Variants in PDILT observed in about 807,000 individuals in gnomAD.
PDILT encodes the protein protein disulfide-isomerase-like protein of the testis.
In PDILT, 43 loss-of-function variants were observed where a neutral mutation model predicts 53.7. That is an observed-to-expected ratio of 0.80 (90% CI 0.63 to 1.03). PDILT has a LOEUF of 1.03. PDILT is among the 50% of genes least tolerant of loss of function. The pLI is 0.00. For missense variants in PDILT, 727 were observed against 712.3 expected, an observed-to-expected ratio of 1.02 and a Z score of -0.24; for synonymous variants, 282 against 274.2, an observed-to-expected ratio of 1.03 and a Z score of -0.28.
intron 7 of PDILT, among the ~76,000 whole-genome samples, chr16:20,369,979 A>T (rs916532148): frequency 6.6e-6 from 1 of 152,212 alleles, no homozygotes; most frequent in African/African-American, 2.4e-5. Context: ...CTGTAAAATG[A>T]TTATCATAGT....
At chr16:20,383,759 G>C (rs950304739) in intron 3 of PDILT, among the ~76,000 whole-genome samples, 1 of 152,100 alleles carries the variant, frequency 6.6e-6, no homozygotes. Flanking sequence ...CATTCTACTG[G>C]CATGGCTGTT....
chr16:20,361,204 T>C (rs1966096029), intron 10 of PDILT, among the ~76,000 whole-genome samples: 1 of 128,558 alleles, frequency 7.8e-6, no homozygotes, highest in Non-Finnish European at 1.7e-5. Flanking sequence ...TTTTTTTTTT[T>C]TATATGGAAT....
intron 2 of PDILT, among the ~76,000 whole-genome samples, chr16:20,390,062 C>A (rs944653876): frequency 6.6e-6 from 1 of 152,070 alleles, no homozygotes; most frequent in African/African-American, 2.4e-5. Flanking sequence ...ATAAGAAACC[C>A]TACTTTAGAT....
chr16:20,389,229 T>C (rs1384501433), intron 2 of PDILT, among the ~76,000 whole-genome samples: 1 of 152,112 alleles, frequency 6.6e-6, no homozygotes, highest in Non-Finnish European at 1.5e-5. Flanking sequence ...GGCTATCTCA[T>C]CAAAAAGAGG....
At position 20,393,581 on chromosome 16, in the gene PDILT, G is replaced by C. The variant is rs562356444; in HGVS notation, c.202+5518C>G. Among the ~76,000 whole-genome samples, 43 of 152,314 alleles carry C rather than the reference G, an allele frequency of 2.8e-4. 1 individual carries two copies. The Middle Eastern group carries it at 0.017, about 60-fold the overall frequency. On this transcript the variant is annotated intron_variant, in intron 2 of 11. Coordinates refer to ENST00000302451, the MANE Select transcript of PDILT (RefSeq NM_174924.2). The stretch of plus-strand genomic sequence containing the variant: ...TAGCAGGGGAGGCACCAGGACTCAG[G>C]GGGGCTGAGTTGTTGATGCTCCCAT...
rs138264106 is a variant in PDILT at position 20,365,627 on chromosome 16, G to T, written c.1117-87C>A. On this transcript the variant is annotated intron_variant, in intron 8 of 11. Coordinates refer to ENST00000302451, the MANE Select transcript of PDILT (RefSeq NM_174924.2). The stretch of plus-strand genomic sequence containing the variant: ...CCCACCTTGATTGGAAACCACTAAA[G>T]GTTTTCTCGTGTTTTTTTCACAAGA... 4.7e-5 allele frequency: 70 copies of T among 1,493,090 alleles called. 2 individuals carry two copies. In the Middle Eastern group the frequency reaches 1.6e-3, roughly 34 times the overall value. 92.5% of individuals were successfully genotyped at this position (1,493,090 alleles called of 1,614,324 possible).
intron 1 of PDILT, among the ~76,000 whole-genome samples, chr16:20,402,047 C>G (rs1211913783): frequency 6.6e-6 from 1 of 152,254 alleles, no homozygotes; most frequent in Non-Finnish European, 1.5e-5. Flanking sequence ...TCCACGGAGC[C>G]AGCCACAGCT....
chr16:20,365,644 T>C (rs1966180363), intron 8 of PDILT, 104 bp from the exon 9 acceptor site: 2 of 1,388,762 alleles, frequency 1.4e-6, no homozygotes, highest in East Asian at 2.3e-5. Context: ...TCGTGTTTTT[T>C]TCACAAGAGC....
At chr16:20,384,071 C>T (rs921414399) in intron 3 of PDILT, among the ~76,000 whole-genome samples, 2 of 152,156 alleles carry the variant, frequency 1.3e-5, no homozygotes, top group East Asian at 3.9e-4. Context: ...CCATCATCTC[C>T]CAATTTCCCT....
intron 7 of PDILT, among the ~76,000 whole-genome samples, chr16:20,370,139 A>G (rs886074636): frequency 6.6e-6 from 1 of 152,224 alleles, no homozygotes; most frequent in Non-Finnish European, 1.5e-5. Flanking sequence ...TATCAAGGAA[A>G]TTCATGACTT....
intron 3 of PDILT, among the ~76,000 whole-genome samples, chr16:20,384,420 C>T (rs1966502571): frequency 1.3e-5 from 2 of 152,090 alleles, no homozygotes; most frequent in Non-Finnish European, 2.9e-5. Flanking sequence ...TGGCCAGGGC[C>T]ATGAACAGTA....
Position 20,367,037 on chromosome 16 carries a change from T to C in PDILT, c.1117-1497A>G, listed in dbSNP as rs1388572707. 2.1e-3 allele frequency among the ~76,000 whole-genome samples: 43 copies of C among 20,834 alleles called. 2 individuals are homozygous for C. Among genetic ancestry groups the C allele is most frequent in the African/African-American group, 6.4e-3 (35 of 5,464 alleles). The allele number at this position is 20,834 out of a possible 152,430, so 13.7% of individuals were successfully genotyped here. On this transcript the variant is annotated intron_variant, in intron 8 of 11. Transcript: ENST00000302451. ...CTCTCTCTCTTTCTTCTTTCTTTCTTTCTTTCTTTCTTTCTTTCTTTCTTT... is the reference window on the plus strand; with the variant it reads ...CTCTCTCTCTTTCTTCTTTCTTTCTCTCTTTCTTTCTTTCTTTCTTTCTTT...
chr16:20,403,446 T>G (rs192019001), intron 1 of PDILT, among the ~76,000 whole-genome samples: 63 of 152,204 alleles, frequency 4.1e-4, no homozygotes, highest in East Asian at 3.7e-3. Context: ...CCCGCCACCA[T>G]GCCCGGCTAA....
intron 3 of PDILT, among the ~76,000 whole-genome samples, 172 bp downstream of exon 3, chr16:20,384,473 T>C (rs1207875120): frequency 6.6e-6 from 1 of 151,968 alleles, no homozygotes; most frequent in East Asian, 1.9e-4. Flanking sequence ...GCTGGCTGGA[T>C]ACAGAGGAAA....
At chr16:20,366,599 A>C (rs1966194603) in intron 8 of PDILT, among the ~76,000 whole-genome samples, 1 of 152,246 alleles carries the variant, frequency 6.6e-6, no homozygotes, top group Admixed American at 6.5e-5. Flanking sequence ...TGCCTGTTAC[A>C]TAGTAGATCC....
rs1966175915 is a variant in PDILT at position 20,365,461 on chromosome 16, A to G, written c.1196T>C (p.Val399Ala). 2 of 1,613,848 alleles carry G rather than the reference A, an allele frequency of 1.2e-6. No individual in the cohort carries two copies. The change falls in exon 9 of 12, where the codon GTA becomes GCA. Residue 399 changes from valine (V) to alanine (A), a missense_variant. Transcript: ENST00000302451. ...GTCCTTTTCTTTGTCAAAGACGACT[A>G]CGTTGAAGTTCTTCCCCACGAGCTG... ...VKQLVGKNFN[V>A]VVFDKEKDVF...
At chr16:20,368,337 G>A (rs1966246347) in intron 8 of PDILT, among the ~76,000 whole-genome samples, 1 of 152,128 alleles carries the variant, frequency 6.6e-6, no homozygotes, top group South Asian at 2.1e-4. Context: ...TGGGAGCACA[G>A]GGTCAAAAAG....
At chr16:20,392,299 A>G (rs1966614763) in intron 2 of PDILT, among the ~76,000 whole-genome samples, 1 of 152,138 alleles carries the variant, frequency 6.6e-6, no homozygotes, top group African/African-American at 2.4e-5. Flanking sequence ...GTTGGGACCA[A>G]ATCAAAGATG....
chr16:20,382,263 T>C (rs574846817), intron 3 of PDILT, among the ~76,000 whole-genome samples: 94 of 152,210 alleles, frequency 6.2e-4, no homozygotes, highest in Non-Finnish European at 1.2e-3. Flanking sequence ...ACTAATAGTC[T>C]GATAATAATA....
Sources: gnomAD v4.1 joint callset for allele counts (sites outside exome capture counted in the v4.1 genomes callset) on GRCh38, gnomAD v4.1.1 for gene constraint, MANE v1.5 for transcripts, NCBI Gene and HGNC (gene_info 2026-07-23, HGNC 2026-07-21) for gene names.